The following AK4 variants were observed in gnomAD, a reference collection of about 807,000 sequenced individuals.
AK4 encodes adenylate kinase 4, mitochondrial.
Under a neutral mutation model 24.6 loss-of-function variants are expected in AK4, and 13 were observed. That is an observed-to-expected ratio of 0.53 (90% CI 0.34 to 0.84). The LOEUF is 0.84. Among genes scored for constraint, AK4 ranks in the 40% least tolerant of loss-of-function variants. The probability of loss-of-function intolerance (pLI) is 0.01; values close to 1 mark genes in which losing one functional copy is unlikely to be tolerated. For synonymous variants in AK4, 88 were observed against 107.0 expected, an observed-to-expected ratio of 0.82 and a Z score of 1.10; for missense variants, 192 against 288.2, an observed-to-expected ratio of 0.67 and a Z score of 2.42.
intron 2 of AK4, among the ~76,000 whole-genome samples, chr1:65,195,557 G>A (rs1651441024): frequency 6.6e-6 from 1 of 152,290 alleles, no homozygotes; most frequent in African/African-American, 2.4e-5. Flanking sequence ...AAGAGGGTTA[G>A]TGTGATAATT....
chr1:65,193,535 T>A (rs1651372209), intron 2 of AK4, among the ~76,000 whole-genome samples: 2 of 152,328 alleles, frequency 1.3e-5, no homozygotes, highest in South Asian at 4.1e-4. Context: ...TACATGGCCA[T>A]GCCGAGAATT....
chr1:65,217,026 G>A (rs527497370), intron 2 of AK4, among the ~76,000 whole-genome samples: 1 of 152,252 alleles, frequency 6.6e-6, no homozygotes, highest in South Asian at 2.1e-4. Context: ...TATTCCAATT[G>A]CCATCTTGAC....
At chr1:65,195,344 C>G (rs1651433327) in intron 2 of AK4, among the ~76,000 whole-genome samples, 1 of 140,136 alleles carries the variant, frequency 7.1e-6, no homozygotes, top group African/African-American at 3.1e-5. Context: ...AGAGAACATT[C>G]AAACTATAGC....
chr1:65,200,699 G>A (rs1338084549), intron 2 of AK4, among the ~76,000 whole-genome samples: 4 of 152,118 alleles, frequency 2.6e-5, no homozygotes, highest in Non-Finnish European at 5.9e-5. Context: ...AGTATTTATT[G>A]ATCAGCAGCT....
chr1:65,166,656 A>AGTCTG (rs1650340431), intron 1 of AK4, among the ~76,000 whole-genome samples: 2 of 152,158 alleles, frequency 1.3e-5, no homozygotes, highest in African/African-American at 2.4e-5. Flanking sequence ...CCATGTAGCC[A>AGTCTG]GGACTACAGG....
intron 2 of AK4, among the ~76,000 whole-genome samples, chr1:65,192,992 A>G (rs1385108917): frequency 6.6e-6 from 1 of 152,162 alleles, no homozygotes; most frequent in Non-Finnish European, 1.5e-5. Flanking sequence ...GGAGTTGTAT[A>G]CTGGTGGATT....
intron 2 of AK4, among the ~76,000 whole-genome samples, chr1:65,196,711 C>A (rs968421689): frequency 6.6e-6 from 1 of 152,206 alleles, no homozygotes; most frequent in Non-Finnish European, 1.5e-5. Context: ...AGTGATCTGC[C>A]TGCCTCGGCT....
chr1:65,202,286 A>G (rs553698514), intron 2 of AK4, among the ~76,000 whole-genome samples: 1 of 152,222 alleles, frequency 6.6e-6, no homozygotes, highest in Non-Finnish European at 1.5e-5. Context: ...AGTTCCAGCT[A>G]CTCAGGAGAC....
intron 1 of AK4, among the ~76,000 whole-genome samples, chr1:65,163,327 C>A (rs762205540): frequency 2.0e-5 from 3 of 152,196 alleles, no homozygotes; most frequent in African/African-American, 4.8e-5. Flanking sequence ...ACGAATCGGG[C>A]AGCCCTCAGA....
At chr1:65,154,745 T>C (rs1475384921) in intron 1 of AK4, 1 of 266,984 alleles carries the variant, frequency 3.7e-6, no homozygotes, top group African/African-American at 2.2e-5. Context: ...CAAAGAACGC[T>C]CTTACAAATG....
chr1:65,228,592 T>TA lies in AK4; in HGVS notation c.*2422dup, dbSNP rs896633924. 26 of 152,284 alleles carry TA rather than the reference T, an allele frequency of 1.7e-4. No individual in the cohort carries two copies. The highest frequency in any genetic ancestry group is 5.5e-4 in the African/African-American group (23 of 41,558). 9.4% of individuals were successfully genotyped at this position (152,284 alleles called of 1,614,324 possible). ...ATGCTTATTTCGTGGTCAATGGCTT[T>TA]AAAAAAATCTGTTTCTTGTTTTCTT... On this transcript the variant is annotated 3_prime_UTR_variant, in exon 5 of 5. Coordinates refer to ENST00000327299, the MANE Select transcript of AK4 (RefSeq NM_013410.4).
chr1:65,154,296 G>A (rs1193700955), intron 1 of AK4, among the ~76,000 whole-genome samples: 2 of 152,208 alleles, frequency 1.3e-5, no homozygotes, highest in African/African-American at 4.8e-5. Context: ...TGAATCCTAG[G>A]GTTTTGCCCT....
chr1:65,179,319 A>C (rs1321443874), intron 1 of AK4, among the ~76,000 whole-genome samples: 4 of 152,180 alleles, frequency 2.6e-5, no homozygotes, highest in Admixed American at 2.6e-4. Flanking sequence ...GTTTCTGTTC[A>C]AGAAAATGCT....
upstream of AK4, chr1:65,147,915 G>A (rs1162126038): frequency 6.5e-6 from 1 of 154,334 alleles, no homozygotes; most frequent in Non-Finnish European, 1.4e-5. Context: ...GCCGCCCGGT[G>A]CGTGGGGCGG....
chr1:65,218,661 A>T (rs1652203527), intron 2 of AK4, 93 bp from the exon 3 acceptor site: 2 of 1,279,146 alleles, frequency 1.6e-6, no homozygotes, highest in Admixed American at 5.6e-5. Flanking sequence ...AGAATGGTAT[A>T]TGCAGATTTA....
intron 2 of AK4, among the ~76,000 whole-genome samples, chr1:65,204,757 C>T (rs766112966): frequency 6.6e-6 from 1 of 152,170 alleles, no homozygotes; most frequent in Non-Finnish European, 1.5e-5. Context: ...TCTTACCCTT[C>T]ATCTCTCCCA....
intron 1 of AK4, among the ~76,000 whole-genome samples, chr1:65,185,953 T>C (rs1197581195): frequency 6.6e-6 from 1 of 151,964 alleles, no homozygotes; most frequent in Non-Finnish European, 1.5e-5. Flanking sequence ...ACTTTGCTTG[T>C]ATCATACCTC....
At chr1:65,180,656 T>C (rs1229989548) in intron 1 of AK4, among the ~76,000 whole-genome samples, 1 of 152,204 alleles carries the variant, frequency 6.6e-6, no homozygotes, top group Non-Finnish European at 1.5e-5. Context: ...ATGAAGTCTT[T>C]CTTCACTGTA....
At chr1:65,182,966 T>C (rs775091526) in intron 1 of AK4, among the ~76,000 whole-genome samples, 4 of 152,226 alleles carry the variant, frequency 2.6e-5, no homozygotes, top group Non-Finnish European at 5.9e-5. Flanking sequence ...CCATGAACTT[T>C]TGCTATTGAA....
Sources: gnomAD v4.1 joint callset for allele counts (sites outside exome capture counted in the v4.1 genomes callset) on GRCh38, gnomAD v4.1.1 for gene constraint, MANE v1.5 for transcripts, NCBI Gene and HGNC (gene_info 2026-07-23, HGNC 2026-07-21) for gene names.